STK10: variants seen among roughly 807,000 people sequenced by gnomAD.
STK10 encodes the protein serine/threonine-protein kinase 10.
Under a neutral mutation model 113.8 loss-of-function variants are expected in STK10, and 78 were observed. The observed-to-expected ratio is 0.69, with a 90% confidence interval of 0.57 to 0.83. The LOEUF (loss-of-function observed/expected upper bound fraction) is 0.83. STK10 is among the 40% of genes least tolerant of loss of function. The pLI, the probability that STK10 is intolerant of heterozygous loss-of-function variation, is 0.00. For missense variants in STK10, 1,109 were observed against 1,280.1 expected (o/e 0.87, Z 2.04); for synonymous variants, 465 against 494.7 (o/e 0.94, Z 0.80).
intron 13 of STK10, among the ~76,000 whole-genome samples, chr5:172,063,155 C>G (rs2113705015): frequency 6.6e-6 from 1 of 151,898 alleles, no homozygotes; most frequent in Admixed American, 6.6e-5. Flanking sequence ...GAGGCTGAGG[C>G]AGGAGAATTG....
At chr5:172,178,591 C>A (rs1014006508) in intron 1 of STK10, among the ~76,000 whole-genome samples, 1 of 152,184 alleles carries the variant, frequency 6.6e-6, no homozygotes, top group Non-Finnish European at 1.5e-5. Context: ...CAATAGCTCC[C>A]GCAGGTGTAG....
At chr5:172,054,726 G>C in intron 16 of STK10, 32 bp from the exon 17 acceptor site, 1 of 1,604,734 alleles carries the variant, frequency 6.2e-7, no homozygotes, top group South Asian at 1.1e-5. Context: ...TGCCTCAGGG[G>C]ACCAGGGCCT....
chr5:172,108,541 G>A (rs1315603867), intron 4 of STK10, among the ~76,000 whole-genome samples: 2 of 150,990 alleles, frequency 1.3e-5, no homozygotes, highest in Admixed American at 6.6e-5. Context: ...GCTTGAACCC[G>A]GGAGGTGGAG....
chr5:172,174,762 G>C (rs907452163), intron 1 of STK10, among the ~76,000 whole-genome samples: 1 of 152,134 alleles, frequency 6.6e-6, no homozygotes, highest in Non-Finnish European at 1.5e-5. Flanking sequence ...AGAGTCACAG[G>C]TAGACTGGCA....
intron 1 of STK10, 121 bp from the exon 2 acceptor site, chr5:172,156,909 G>T: frequency 8.8e-7 from 1 of 1,135,068 alleles, no homozygotes; most frequent in Non-Finnish European, 1.2e-6. Flanking sequence ...ATGCTGAACC[G>T]GAACGTACAT....
intron 12 of STK10, among the ~76,000 whole-genome samples, chr5:172,074,914 G>A (rs1410831467): frequency 6.6e-6 from 1 of 151,952 alleles, no homozygotes; most frequent in Non-Finnish European, 1.5e-5. Context: ...AGTTACTTGG[G>A]AGGCTGAGGC....
intron 10 of STK10, among the ~76,000 whole-genome samples, chr5:172,088,724 C>T (rs997819369): frequency 6.6e-6 from 1 of 152,078 alleles, no homozygotes; most frequent in South Asian, 2.1e-4. Flanking sequence ...CCAGTGAAAC[C>T]TGAAGGAATT....
At chr5:172,099,896 T>C (rs1768944145) in intron 7 of STK10, among the ~76,000 whole-genome samples, 4 of 152,230 alleles carry the variant, frequency 2.6e-5, no homozygotes, top group Admixed American at 2.6e-4. Context: ...CCAGGAACTC[T>C]GCTTTCTTGA....
chr5:172,158,255 TA>T (rs989986926), intron 1 of STK10, among the ~76,000 whole-genome samples: 12 of 151,344 alleles, frequency 7.9e-5, no homozygotes, highest in Admixed American at 2.0e-4. Context: ...TCCTAGGACC[TA>T]GCAATTCTGC....
At chr5:172,161,905 T>C (rs1770478045) in intron 1 of STK10, among the ~76,000 whole-genome samples, 1 of 152,162 alleles carries the variant, frequency 6.6e-6, no homozygotes, top group African/African-American at 2.4e-5. Context: ...GAGCCTGGGA[T>C]GCCTCCACAC....
At chr5:172,101,440 C>T (rs1212939209) in intron 7 of STK10, among the ~76,000 whole-genome samples, 1 of 147,964 alleles carries the variant, frequency 6.8e-6, no homozygotes, top group Non-Finnish European at 1.5e-5. Flanking sequence ...CACTGCACTT[C>T]AGCCTGGCAA....
chr5:172,153,288 A>AAAAGAAAGAAAGAGAAAG (rs1554123013), intron 2 of STK10, among the ~76,000 whole-genome samples: 2 of 141,928 alleles, frequency 1.4e-5, no homozygotes, highest in Non-Finnish European at 1.5e-5. Flanking sequence ...CTCCATCTCA[A>AAAAGAAAGAAAGAGAAAG]AAAGAAAGAA....
chr5:172,061,425 G>A (rs575925449), intron 13 of STK10, 157 bp from the exon 14 acceptor site: 14 of 999,840 alleles, frequency 1.4e-5, no homozygotes, highest in African/African-American at 9.9e-5. Context: ...ACTTAGAGAC[G>A]CATCAACCAA....
At chr5:172,102,614 G>A (rs932643721) in intron 7 of STK10, among the ~76,000 whole-genome samples, 2 of 152,132 alleles carry the variant, frequency 1.3e-5, no homozygotes, top group Non-Finnish European at 2.9e-5. Flanking sequence ...TGGAGGCCTG[G>A]AGGTCGAGTG....
At chr5:172,155,497 C>G (rs1024269493) in intron 2 of STK10, among the ~76,000 whole-genome samples, 16 of 92,756 alleles carry the variant, frequency 1.7e-4, no homozygotes, top group African/African-American at 5.8e-4. Context: ...GACTCCATCT[C>G]AAAAAAAAAA....
chr5:172,116,408 T>C (rs1769384669), intron 4 of STK10, among the ~76,000 whole-genome samples: 1 of 152,080 alleles, frequency 6.6e-6, no homozygotes, highest in Admixed American at 6.6e-5. Flanking sequence ...AAAAATGCAT[T>C]GTAGCCATAT....
At chr5:172,121,032 C>CTTCCT (rs1769499919) in intron 3 of STK10, among the ~76,000 whole-genome samples, 2 of 138,818 alleles carry the variant, frequency 1.4e-5, no homozygotes, top group African/African-American at 5.3e-5. Flanking sequence ...GGTTTCTTTC[C>CTTCCT]TTTTTTTTTT....
In STK10 at chr5:172,133,774, G is replaced by A. The variant is rs1245106263; in HGVS notation, c.322-6353C>T. Among the ~76,000 whole-genome samples the A allele has an allele frequency of 1.3e-5, 2 of 152,194 alleles. No individual in the cohort carries two copies. The highest frequency in any genetic ancestry group is 3.8e-4 in the East Asian group (2 of 5,196). ...AGAATATGCAAACGAATTAATTTCT[G>A]CGCTGTTTAGTAGGTTAGTTTAAGG... On this transcript the variant is annotated intron_variant, in intron 2 of 18. Transcript: ENST00000176763. The surrounding 1 kb of genome is among the most constrained non-coding windows in gnomAD (Gnocchi z 4.9).
chr5:172,050,590 C>G (rs1329349545), intron 18 of STK10, among the ~76,000 whole-genome samples: 1 of 152,144 alleles, frequency 6.6e-6, no homozygotes, highest in Non-Finnish European at 1.5e-5. Context: ...ACAAACTGAG[C>G]TGATCACGTC....
Sources: gnomAD v4.1 joint callset for allele counts (sites outside exome capture counted in the v4.1 genomes callset) on GRCh38, gnomAD v4.1.1 for gene constraint, Gnocchi (gnomAD v3.1) non-coding constraint, MANE v1.5 for transcripts, NCBI Gene and HGNC (gene_info 2026-07-23, HGNC 2026-07-21) for gene names.